The following FBN2 variants were observed in gnomAD, a reference collection of about 807,000 sequenced individuals.
The protein encoded by FBN2 is fibrillin-2.
Under a neutral mutation model 355.6 loss-of-function variants are expected in FBN2, and 105 were observed. That is an observed-to-expected ratio of 0.30 (90% CI 0.25 to 0.35). The LOEUF is 0.35. FBN2 is among the 10% of genes least tolerant of loss of function. FBN2 has a pLI of 1.00. For missense variants in FBN2, 3,280 were observed against 3,758.7 expected (o/e 0.87, Z 3.33); for synonymous variants, 1,350 against 1,301.2 (o/e 1.04, Z -0.81).
rs2126833724 is a variant in FBN2, at chr5:128,300,861, C to T, written c.6122G>A (p.Cys2041Tyr). Residue 2041 changes from cysteine to tyrosine, a missense_variant, in exon 48 of 65, where the codon TGC (cysteine) becomes TAC (tyrosine). By Grantham distance (194) the Cys-to-Tyr change is radical. Around this residue, in one of 6 missense-constraint regions of FBN2, gnomAD observed 2,284 missense variants for 2,749.5 expected, o/e 0.83. Transcript: ENST00000262464. Reference protein sequence around the residue: ...TCQNLEGSFRCICPPGYEVKS... With the variant: ...TCQNLEGSFRYICPPGYEVKS... ...TACTTCATACCCTGGGGGACAGATG[C>T]ATCTGAAGGATCCCTCCAAATTCTG... 1 of 1,613,938 alleles carries T rather than the reference C, an allele frequency of 6.2e-7. No individual in the cohort carries two copies. The highest frequency in any genetic ancestry group is 8.5e-7 in the Non-Finnish European group (1 of 1,179,854).
Position 128,278,850 on chromosome 5 carries a change from G to A in FBN2, c.7139-9C>T. On this transcript the variant is annotated splice_polypyrimidine_tract_variant and intron_variant, in intron 56 of 64. Coordinates refer to ENST00000262464, the MANE Select transcript of FBN2 (RefSeq NM_001999.4). ...GAGACCCTGTCGATTGTCTGAAATG[G>A]CAAAGTAGAAAGAGTTAAGGATGCG... 1 of 1,609,270 alleles carries A rather than the reference G, an allele frequency of 6.2e-7. No homozygotes were observed. The highest frequency in any genetic ancestry group is 1.3e-5 in the African/African-American group (1 of 74,976).
intron 23 of FBN2, among the ~76,000 whole-genome samples, chr5:128,346,280 C>T (rs185641330): frequency 2.4e-4 from 36 of 152,296 alleles, no homozygotes; most frequent in Non-Finnish European, 4.7e-4. Flanking sequence ...CCAGAATGGT[C>T]TATAAATAAC....
intron 7 of FBN2, among the ~76,000 whole-genome samples, chr5:128,424,064 G>A (rs1753422539): frequency 6.6e-6 from 1 of 152,140 alleles, no homozygotes; most frequent in African/African-American, 2.4e-5. Flanking sequence ...CGTGGGGTGG[G>A]TGTAGTGGAG....
At position 128,407,138 on chromosome 5, in the gene FBN2, G is replaced by A. The variant is rs150519005; in HGVS notation, c.1078+1536C>T. Among the ~76,000 whole-genome samples, 45 of 152,278 alleles carry A rather than the reference G, an allele frequency of 3.0e-4. No homozygotes were observed. In the East Asian group the frequency reaches 7.5e-3, roughly 26 times the overall value. On this transcript the variant is annotated intron_variant, in intron 8 of 64. Transcript: ENST00000262464. ...GACATCTAGCCACAGGATCTCCACA[G>A]CCTTAAAGTGGGTAAATGGTAGTTC...
intron 1 of FBN2, among the ~76,000 whole-genome samples, chr5:128,537,053 T>A (rs1756867175): frequency 1.3e-5 from 2 of 151,944 alleles, no homozygotes; most frequent in Non-Finnish European, 2.9e-5. Flanking sequence ...CGCCGGACAT[T>A]CAGAACCTGT....
intron 7 of FBN2, among the ~76,000 whole-genome samples, chr5:128,437,539 C>T (rs1271890366): frequency 6.6e-6 from 1 of 152,076 alleles, no homozygotes; most frequent in African/African-American, 2.4e-5. Flanking sequence ...CTCATAACCA[C>T]CATGGGTAGA....
At chr5:128,363,225 C>A in intron 18 of FBN2, among the ~76,000 whole-genome samples, 1 of 151,954 alleles carries the variant, frequency 6.6e-6, no homozygotes, top group African/African-American at 2.4e-5. Context: ...GAGTCTCGGT[C>A]TGTCACCACG....
At chr5:128,316,293 T>C (rs1750199515) in intron 36 of FBN2, among the ~76,000 whole-genome samples, 1 of 152,230 alleles carries the variant, frequency 6.6e-6, no homozygotes, top group South Asian at 2.1e-4. Flanking sequence ...CCATTGGACA[T>C]AATGTTGAAC....
chr5:128,289,186 G>T lies in FBN2; in HGVS notation c.6578C>A (p.Ser2193Tyr). 6.2e-7 allele frequency: 1 copy of T among 1,613,878 alleles called. No homozygotes were observed. The highest frequency in any genetic ancestry group is 8.5e-7 in the Non-Finnish European group (1 of 1,179,734). Residue 2193 changes from serine to tyrosine, a missense_variant, in exon 52 of 65, where the codon TCT (serine) becomes TAT (tyrosine). Physicochemically the swap from Ser to Tyr is moderately radical, Grantham distance 144. Transcript: ENST00000262464. ...SNGQCINTDG[S>Y]FRCECPMGYN... is the part of the protein sequence containing the mutation. ...GCCCATTGGACATTCACAGCGAAAA[G>T]ATCCGTCGGTGTTGATACATTGACC...
At chr5:128,301,338 C>G (rs758414957) in intron 47 of FBN2, 44 bp downstream of exon 47, 55 of 1,571,886 alleles carry the variant, frequency 3.5e-5, no homozygotes, top group Non-Finnish European at 4.8e-5. Context: ...CATCATTTTA[C>G]AAAACATAAC....
Position 128,269,260 on chromosome 5 carries a change from C to CAAT in FBN2, c.7960+2736_7960+2738dup, listed in dbSNP as rs574203752. On this transcript the variant is annotated intron_variant, in intron 62 of 64. Coordinates refer to ENST00000262464, the MANE Select transcript of FBN2 (RefSeq NM_001999.4). ...TGAAACCCCGTCTCTACTAAAAATA[C>CAAT]AATAATAATAATAATAATAATAGTA... Among the ~76,000 whole-genome samples the CAAT allele has an allele frequency of 7.4e-3, 1,061 of 143,756 alleles. 5 individuals are homozygous for CAAT. The highest frequency in any genetic ancestry group is 0.015 in the African/African-American group (575 of 38,808). The allele number at this position is 143,756 out of a possible 152,430, so 94.3% of individuals were successfully genotyped here. A position where few individuals can be genotyped will look rare whatever the true frequency, so the allele number is the denominator to read the frequency against.
intron 5 of FBN2, among the ~76,000 whole-genome samples, chr5:128,516,211 A>G (rs754315730): frequency 6.6e-6 from 1 of 151,968 alleles, no homozygotes; most frequent in Non-Finnish European, 1.5e-5. Flanking sequence ...TTGAATGCTG[A>G]CTCCATTTCT....
At chr5:128,300,774 A>G (rs761442608) in intron 48 of FBN2, 43 bp downstream of exon 48, 3 of 1,605,838 alleles carry the variant, frequency 1.9e-6, no homozygotes, top group East Asian at 2.2e-5. Flanking sequence ...ATGTCTTACT[A>G]TACTGAACTA....
intron 48 of FBN2, among the ~76,000 whole-genome samples, chr5:128,299,433 T>TCGCTGCCG (rs1749646438): frequency 1.5e-5 from 2 of 132,182 alleles, no homozygotes; most frequent in African/African-American, 2.8e-5. Flanking sequence ...TCCCCCAGCC[T>TCGCTGCCG]CACAGTTTGA....
At chr5:128,529,791 A>G (rs1046732319) in intron 3 of FBN2, among the ~76,000 whole-genome samples, 1 of 152,202 alleles carries the variant, frequency 6.6e-6, no homozygotes, top group Admixed American at 6.5e-5. Flanking sequence ...ATGAATTTGA[A>G]TGGTAGGTTT....
chr5:128,518,832 C>T (rs1756355099), intron 5 of FBN2, among the ~76,000 whole-genome samples: 1 of 152,160 alleles, frequency 6.6e-6, no homozygotes, highest in Admixed American at 6.5e-5. Flanking sequence ...CTACCTGAGG[C>T]CCACTAGCTC....
At chr5:128,310,775 G>A (rs1486936484) in intron 39 of FBN2, among the ~76,000 whole-genome samples, 2 of 152,090 alleles carry the variant, frequency 1.3e-5, no homozygotes, top group Admixed American at 1.3e-4. Flanking sequence ...CTGTAATGAT[G>A]AGTAAGATGT....
chr5:128,398,864 G>C (rs1041052384), intron 8 of FBN2, among the ~76,000 whole-genome samples: 43 of 152,184 alleles, frequency 2.8e-4, no homozygotes, highest in African/African-American at 1.0e-3. Flanking sequence ...TTTAAAAACA[G>C]GAGTTTCCCT....
At chr5:128,411,734 G>A (rs1194636926) in intron 7 of FBN2, among the ~76,000 whole-genome samples, 2 of 152,272 alleles carry the variant, frequency 1.3e-5, no homozygotes, top group African/African-American at 4.8e-5. Context: ...TCTCATTTAG[G>A]GTCGCAGGTC....
Sources: gnomAD v4.1 joint callset for allele counts (sites outside exome capture counted in the v4.1 genomes callset) on GRCh38, gnomAD v4.1.1 for gene constraint, gnomAD v4.1.1 regional missense constraint, MANE v1.5 for transcripts, NCBI Gene and HGNC (gene_info 2026-07-23, HGNC 2026-07-21) for gene names.